Variants in FRYL observed in about 807,000 individuals in gnomAD.
FRYL encodes FRY like transcription coactivator, also known as protein furry homolog-like.
In FRYL, 150 loss-of-function variants were observed where a neutral mutation model predicts 351.2. That is an observed-to-expected ratio of 0.43 (90% confidence interval 0.37 to 0.49). The LOEUF (loss-of-function observed/expected upper bound fraction) is 0.49, where lower values mean the gene tolerates loss of function less well. FRYL is among the 20% of genes least tolerant of loss of function. The probability of loss-of-function intolerance (pLI) is 0.00; values close to 1 mark genes in which losing one functional copy is unlikely to be tolerated. For missense variants in FRYL, 3,036 were observed against 3,619.3 expected, an observed-to-expected ratio of 0.84 and a Z score of 4.13; for synonymous variants, 1,153 against 1,257.1, an observed-to-expected ratio of 0.92 and a Z score of 1.75.
Position 48,698,822 on chromosome 4 carries a change from T to TA in FRYL, c.-204+11696dup, listed in dbSNP as rs1578756540. Among the ~76,000 whole-genome samples the TA allele has an allele frequency of 2.2e-5, 3 of 138,724 alleles. No individual in the cohort carries two copies. In the East Asian group the frequency reaches 6.8e-4, roughly 31 times the overall value. 91.0% of individuals were successfully genotyped at this position (138,724 alleles called of 152,430 possible). On this transcript the variant is annotated intron_variant, in intron 2 of 63. Coordinates refer to ENST00000358350, the MANE Select transcript of FRYL (RefSeq NM_015030.2). ...CCACCCCCACCCCAACCCCCACAAA[T>TA]AGGCTTTATTCTCCACAGTGGTTAA...
At chr4:48,715,904 A>G (rs1341287845) in intron 1 of FRYL, among the ~76,000 whole-genome samples, 2 of 152,236 alleles carry the variant, frequency 1.3e-5, no homozygotes, top group Non-Finnish European at 2.9e-5. Context: ...CCAAAACAGC[A>G]TGGTACTGGT....
chr4:48,643,155 C>T (rs961053868), intron 3 of FRYL, among the ~76,000 whole-genome samples: 4 of 152,194 alleles, frequency 2.6e-5, no homozygotes, highest in Non-Finnish European at 5.9e-5. Flanking sequence ...CCTGCAGGAC[C>T]TCATCCAGCA....
At chr4:48,686,675 T>A (rs898700866) in intron 2 of FRYL, among the ~76,000 whole-genome samples, 2 of 152,236 alleles carry the variant, frequency 1.3e-5, no homozygotes, top group African/African-American at 4.8e-5. Flanking sequence ...ACAGCAAAAA[T>A]CCTACCTAGG....
At chr4:48,652,682 G>C (rs1209262839) in intron 3 of FRYL, among the ~76,000 whole-genome samples, 5 of 151,998 alleles carry the variant, frequency 3.3e-5, no homozygotes. Context: ...ATCTTAAGAG[G>C]GTTTTTGTTC....
chr4:48,530,724 C>T (rs549937770), intron 50 of FRYL, among the ~76,000 whole-genome samples: 1 of 152,260 alleles, frequency 6.6e-6, no homozygotes, highest in East Asian at 1.9e-4. Context: ...TTCTCCATTT[C>T]TTTGCATTTA....
chr4:48,778,898 G>A (rs1003675703), intron 1 of FRYL, among the ~76,000 whole-genome samples: 1 of 151,152 alleles, frequency 6.6e-6, no homozygotes, highest in Admixed American at 6.6e-5. Context: ...CCTTCCAAAA[G>A]AACCCCAGCC....
At chr4:48,749,615 A>C (rs571969967) in intron 1 of FRYL, among the ~76,000 whole-genome samples, 20 of 152,252 alleles carry the variant, frequency 1.3e-4, no homozygotes, top group African/African-American at 4.3e-4. Context: ...ATACCCACTC[A>C]TGTGAGCCTC....
At chr4:48,749,171 G>A (rs1275349975) in intron 1 of FRYL, among the ~76,000 whole-genome samples, 1 of 152,202 alleles carries the variant, frequency 6.6e-6, no homozygotes, top group African/African-American at 2.4e-5. Context: ...GCAGGGCGGA[G>A]AGCAGGTAAT....
Position 48,522,977 on chromosome 4 carries a change from T to C in FRYL, c.7445A>G (p.Asn2482Ser), listed in dbSNP as rs1725233246. The change falls in exon 54 of 64, where the codon AAT (asparagine) becomes AGT (serine). Residue 2482 changes from asparagine to serine, a missense_variant. This residue lies in a region of FRYL where 1,987 missense variants were observed against 2,311.7 expected (regional missense o/e 0.86). Coordinates refer to ENST00000358350, the MANE Select transcript of FRYL (RefSeq NM_015030.2). ...SSSTPSLNLTNQEDTDESSEE... is the reference protein window; with the variant it reads ...SSSTPSLNLTSQEDTDESSEE... ...CGAGGACTCATCTGTATCCTCCTGA[T>C]TGGTGAGGTTCAGGCTGGGGGTGCT... 3.7e-6 allele frequency: 6 copies of C among 1,614,022 alleles called. No homozygotes were observed. Among genetic ancestry groups the C allele is most frequent in the South Asian group, 1.1e-5 (1 of 91,086 alleles).
intron 15 of FRYL, among the ~76,000 whole-genome samples, chr4:48,595,176 C>T (rs1222334256): frequency 2.0e-5 from 3 of 152,156 alleles, no homozygotes; most frequent in Non-Finnish European, 2.9e-5. Context: ...TCCTCTTTGT[C>T]GTTCAGACTA....
chr4:48,554,559 G>A (rs560599008), intron 35 of FRYL, among the ~76,000 whole-genome samples: 47 of 152,172 alleles, frequency 3.1e-4, no homozygotes, highest in Admixed American at 9.8e-4. Context: ...GGCTGGTCTC[G>A]AACTCCTGAC....
At chr4:48,643,322 G>T (rs532765594) in intron 3 of FRYL, among the ~76,000 whole-genome samples, 1 of 152,202 alleles carries the variant, frequency 6.6e-6, no homozygotes, top group Admixed American at 6.5e-5. Context: ...AAGAAGGAAA[G>T]GGGCTCCCTC....
At chr4:48,682,877 A>T (rs1389609836) in intron 3 of FRYL, among the ~76,000 whole-genome samples, 1 of 152,232 alleles carries the variant, frequency 6.6e-6, no homozygotes, top group East Asian at 1.9e-4. Context: ...TCAAGGATCT[A>T]GACCTAGAAA....
chr4:48,779,340 C>CG (rs1776377074), intron 1 of FRYL, among the ~76,000 whole-genome samples: 1 of 152,216 alleles, frequency 6.6e-6, no homozygotes, highest in African/African-American at 2.4e-5. Context: ...GCGGTGGCCG[C>CG]GGTGTCCGCA....
intron 25 of FRYL, 37 bp from the exon 26 acceptor site, chr4:48,573,280 C>G (rs745917437): frequency 7.5e-7 from 1 of 1,331,564 alleles, no homozygotes; most frequent in Admixed American, 1.7e-5. Flanking sequence ...TTAATAGCTA[C>G]ACAGATATAA....
At chr4:48,506,634 A>G (rs1334889543) in intron 59 of FRYL, 2 of 46,932 alleles carry the variant, frequency 4.3e-5, no homozygotes, top group East Asian at 1.8e-3. Context: ...ATATATATAT[A>G]TATATATATA....
Position 48,579,190 on chromosome 4 carries a change from A to G in FRYL, c.2311T>C (p.Trp771Arg). 1 of 1,613,814 alleles carries G rather than the reference A, an allele frequency of 6.2e-7. No homozygotes were observed. The highest frequency in any genetic ancestry group is 8.5e-7 in the Non-Finnish European group (1 of 1,179,746). Residue 771 changes from tryptophan (W) to arginine (R), a missense_variant, in exon 23 of 64, where the codon TGG becomes CGG. Trp to Arg is a moderately radical substitution (Grantham distance 101). Transcript: ENST00000358350. Reference sequence around the variant, plus strand: ...TGGTGGCTAATAGGAGAAGAGTTCCATTCTGCTAAAGTTTGTAAATCTATC... The same window carrying G: ...TGGTGGCTAATAGGAGAAGAGTTCCGTTCTGCTAAAGTTTGTAAATCTATC... ...SSIDLQTLAEWNSSPISHQFD... is the reference protein window; with the variant it reads ...SSIDLQTLAERNSSPISHQFD...
chr4:48,622,033 A>G (rs980265372), intron 5 of FRYL, among the ~76,000 whole-genome samples: 2 of 152,214 alleles, frequency 1.3e-5, no homozygotes, highest in Non-Finnish European at 1.5e-5. Flanking sequence ...GGAACAATAA[A>G]AACCCATCAA....
chr4:48,777,355 C>T (rs1776127460), intron 1 of FRYL, among the ~76,000 whole-genome samples: 1 of 152,172 alleles, frequency 6.6e-6, no homozygotes, highest in South Asian at 2.1e-4. Context: ...ATAAAATGTT[C>T]AGAAAGGTGT....
Sources: allele counts gnomAD v4.1 joint callset (sites outside exome capture counted in the v4.1 genomes callset), GRCh38; gene constraint gnomAD v4.1.1; regional missense constraint gnomAD v4.1.1; transcripts MANE v1.5; gene names NCBI Gene and HGNC (gene_info 2026-07-23, HGNC 2026-07-21).